ANKRD26: variants seen among roughly 807,000 people sequenced by gnomAD.
The protein encoded by ANKRD26 is ankyrin repeat domain-containing protein 26.
ANKRD26 carries 141 observed loss-of-function variants against 208.7 expected under a neutral mutation model. The ratio of observed to expected loss-of-function variants is 0.68; its 90% confidence interval spans 0.59 to 0.78. The LOEUF (loss-of-function observed/expected upper bound fraction) is 0.78. ANKRD26 is among the 30% of genes least tolerant of loss of function. ANKRD26 has a pLI of 0.00. For synonymous variants in ANKRD26, 636 were observed against 660.4 expected (o/e 0.96, Z 0.57); for missense variants, 1,889 against 1,938.7 (o/e 0.97, Z 0.48).
At chr10:27,011,477 A>C (rs1368277653) in intron 32 of ANKRD26, among the ~76,000 whole-genome samples, 2 of 151,946 alleles carry the variant, frequency 1.3e-5, no homozygotes, top group African/African-American at 4.9e-5. Context: ...AAGTTAGACA[A>C]GTATCTTAAA....
chr10:26,997,952 C>T (rs949874193), intron 4 of ANKRD26, among the ~76,000 whole-genome samples: 1 of 152,212 alleles, frequency 6.6e-6, no homozygotes, highest in Non-Finnish European at 1.5e-5. Flanking sequence ...CGTCTTTTCT[C>T]ATTCCTTTGA....
rs780361039 is a variant in ANKRD26, at chr10:27,035,322, C to T, written c.3128G>A (p.Arg1043His). The change falls in exon 24 of 34, where the codon CGT becomes CAT. Residue 1043 changes from arginine to histidine, a missense_variant. Arg to His is a conservative substitution (Grantham distance 29). Around this residue, in one of 3 missense-constraint regions of ANKRD26, gnomAD observed 1,272 missense variants for 1,273.8 expected, o/e 1.00. Coordinates refer to ENST00000376087, the MANE Select transcript of ANKRD26 (RefSeq NM_014915.3). The part of the protein sequence containing the change: ...AFQRARDECS[R>H]LQDKMNFDVS... Reference sequence around the variant, plus strand: ...ATCAAAATTCATTTTGTCCTGTAAACGAGAACATTCATCTCTTGCTCTCTG... The same window carrying T: ...ATCAAAATTCATTTTGTCCTGTAAATGAGAACATTCATCTCTTGCTCTCTG... 5.0e-6 allele frequency: 8 copies of T among 1,613,756 alleles called. No individual in the cohort carries two copies. The highest frequency in any genetic ancestry group is 2.2e-5 in the East Asian group (1 of 44,874).
intron 32 of ANKRD26, among the ~76,000 whole-genome samples, chr10:27,009,973 G>C (rs1264576168): frequency 2.0e-5 from 3 of 152,140 alleles, no homozygotes; most frequent in African/African-American, 7.2e-5. Flanking sequence ...TTCATAACCA[G>C]TAGTTTTCAA....
chr10:27,024,605 CT>C, intron 27 of ANKRD26, 46 bp from the exon 28 acceptor site: 2 of 1,102,218 alleles, frequency 1.8e-6, no homozygotes, highest in African/African-American at 1.6e-5. Flanking sequence ...TCTGGAAACA[CT>C]TTTTTTCTTA....
chr10:27,015,813 A>G (rs1268851022), intron 30 of ANKRD26, among the ~76,000 whole-genome samples: 3 of 152,168 alleles, frequency 2.0e-5, no homozygotes, highest in African/African-American at 7.2e-5. Flanking sequence ...GGTCCCACGC[A>G]GTTCTCAATC....
Position 27,048,684 on chromosome 10 carries a change from G to A in ANKRD26, c.1814+117C>T. 3 of 1,020,898 alleles carry A rather than the reference G, an allele frequency of 2.9e-6. No individual in the cohort carries two copies. The South Asian group carries it at 5.0e-5, about 17-fold the overall frequency. The allele number at this position is 1,020,898 out of a possible 1,614,324, so 63.2% of individuals were successfully genotyped here. A position where few individuals can be genotyped will look rare whatever the true frequency, so the allele number is the denominator to read the frequency against. On this transcript the variant is annotated intron_variant, in intron 17 of 33. Coordinates refer to ENST00000376087, the MANE Select transcript of ANKRD26 (RefSeq NM_014915.3). The stretch of plus-strand genomic sequence containing the variant: ...TGCATTTTTCTAATTGCAAGGCAAG[G>A]TTGCATATCCCTTGCATAGTAAAAG...
chr10:27,060,271 C>G, intron 15 of ANKRD26, 74 bp downstream of exon 15: 1 of 1,321,462 alleles, frequency 7.6e-7, no homozygotes. Context: ...AATAAGAAAA[C>G]TGTGAGCATT....
intron 16 of ANKRD26, among the ~76,000 whole-genome samples, chr10:27,052,797 C>A (rs2054706519): frequency 6.6e-6 from 1 of 152,072 alleles, no homozygotes; most frequent in South Asian, 2.1e-4. Flanking sequence ...GATTTTCTGA[C>A]CTCATTCTTT....
downstream of ANKRD26, among the ~76,000 whole-genome samples, chr10:26,987,381 G>T (rs1396694407): frequency 6.6e-6 from 1 of 152,184 alleles, no homozygotes; most frequent in African/African-American, 2.4e-5. Context: ...GTATACATAT[G>T]TAACAAACCT....
intron 18 of ANKRD26, among the ~76,000 whole-genome samples, chr10:27,045,565 C>CTGTACATA (rs1401821294): frequency 6.6e-6 from 1 of 152,032 alleles, no homozygotes; most frequent in Non-Finnish European, 1.5e-5. Flanking sequence ...TAATTTTCTA[C>CTGTACATA]TGTACATAAA....
intron 20 of ANKRD26, among the ~76,000 whole-genome samples, chr10:27,042,952 C>CAA (rs376971749): frequency 0.078 from 6,391 of 82,258 alleles, 210 homozygotes; most frequent in East Asian, 0.2. Context: ...AATTTTGTCT[C>CAA]AAAAAAAAAA....
chr10:27,033,156 G>T, intron 25 of ANKRD26, 69 bp downstream of exon 25: 1 of 1,206,562 alleles, frequency 8.3e-7, no homozygotes, highest in Non-Finnish European at 1.2e-6. Context: ...CACTAAATTA[G>T]TATGATAAAA....
At chr10:27,030,567 G>A in intron 25 of ANKRD26, 1 of 985,396 alleles carries the variant, frequency 1.0e-6, no homozygotes, top group Non-Finnish European at 1.2e-6. Flanking sequence ...CTTTGGGTGG[G>A]AAAGCGGTAT....
At position 27,040,016 on chromosome 10, in the gene ANKRD26, G is replaced by A; in HGVS notation, c.2324C>T (p.Ser775Leu). 6.2e-7 allele frequency: 1 copy of A among 1,613,706 alleles called. No homozygotes were observed. The highest frequency in any genetic ancestry group is 8.5e-7 in the Non-Finnish European group (1 of 1,179,894). The change falls in exon 21 of 34, where the codon TCA (serine) becomes TTA (leucine). Residue 775 changes from serine to leucine, a missense_variant. Coordinates refer to ENST00000376087, the MANE Select transcript of ANKRD26 (RefSeq NM_014915.3). ...TTCAACTTTTTGATGCTCTAACTGT[G>A]ATTTTATTTCTTTTGTTTCAGATAG... ...RELSETKEIK[S>L]QLEHQKVEWE...
At chr10:26,951,013 C>CTTTTTTTTTTTTTTT in the ANKRD26 span, among the ~76,000 whole-genome samples, 72 of 100,896 alleles carry the variant, frequency 7.1e-4, 9 homozygotes, top group East Asian at 2.8e-3. Flanking sequence ...CTTTTCTTTT[C>CTTTTTTTTTTTTTTT]TTTTTCTTTT....
chr10:27,073,161 T>A (rs995102710), intron 9 of ANKRD26, among the ~76,000 whole-genome samples: 13 of 152,316 alleles, frequency 8.5e-5, no homozygotes, highest in African/African-American at 3.1e-4. Flanking sequence ...GAAGTTTCCT[T>A]CAGCAGAGGG....
chr10:26,968,343 A>C, the ANKRD26 span, among the ~76,000 whole-genome samples: 2 of 151,948 alleles, frequency 1.3e-5, no homozygotes, highest in Admixed American at 6.6e-5. Flanking sequence ...TTCAGCTTTG[A>C]TGTTACTTCT....
chr10:26,959,277 C>CAA, the ANKRD26 span, among the ~76,000 whole-genome samples: 2 of 69,466 alleles, frequency 2.9e-5, no homozygotes, highest in Non-Finnish European at 5.8e-5. Context: ...GATTGTGTCT[C>CAA]AAAAAAAAAA....
intron 27 of ANKRD26, 23 bp downstream of exon 27, chr10:27,028,829 C>T (rs1454135149): frequency 6.3e-7 from 1 of 1,587,628 alleles, no homozygotes; most frequent in Non-Finnish European, 8.6e-7. Context: ...TTCAGTACGA[C>T]AGAAATTAAG....
Sources: allele counts gnomAD v4.1 joint callset (sites outside exome capture counted in the v4.1 genomes callset), GRCh38; gene constraint gnomAD v4.1.1; regional missense constraint gnomAD v4.1.1; transcripts MANE v1.5; gene names NCBI Gene and HGNC (gene_info 2026-07-23, HGNC 2026-07-21).